Variants in TNNI3K observed in about 807,000 individuals in gnomAD.
The protein encoded by TNNI3K is TNNI3 interacting kinase, also known as serine/threonine-protein kinase TNNI3K.
In TNNI3K, 140 loss-of-function variants were observed where a neutral mutation model predicts 114.5. That is an observed-to-expected ratio of 1.22 (90% CI 1.07 to 1.41). The LOEUF is 1.41. TNNI3K is among the 40% of genes most tolerant of loss of function. The pLI is 0.00. For missense variants in TNNI3K, 1,125 were observed against 1,007.6 expected (o/e 1.12, Z -1.58); for synonymous variants, 347 against 347.5 (o/e 1.00, Z 0.02).
rs1420782797 is a variant in TNNI3K, at chr1:74,502,540, A to G, written c.2351+10274A>G. On this transcript the variant is annotated intron_variant, in intron 23 of 24. Coordinates refer to ENST00000326637, the MANE Select transcript of TNNI3K (RefSeq NM_015978.3). ...TCTCTGGAGACTTAACTTTGCCAAC[A>G]TGTTTGCCAACACCAGAACGTTATG... is the stretch of plus-strand genomic sequence containing the variant. Among the ~76,000 whole-genome samples the G allele has an allele frequency of 5.3e-5, 8 of 152,226 alleles. No homozygotes were observed. The South Asian group carries it at 6.2e-4, about 12-fold the overall frequency.
rs144253467 is a variant in TNNI3K at position 74,384,287 on chromosome 1, A to G, written c.1772+13895A>G. On this transcript the variant is annotated intron_variant, in intron 17 of 24. Transcript: ENST00000326637. ...TGGCTATTTTGTGCTGTAGATAATT[A>G]TTTGCATGCTAGTCACTAAAGCCTG... Among the ~76,000 whole-genome samples, 3 of 152,250 alleles carry G rather than the reference A, an allele frequency of 2.0e-5. No homozygotes were observed. In the East Asian group the frequency reaches 5.8e-4, roughly 29 times the overall value.
intron 4 of TNNI3K, among the ~76,000 whole-genome samples, chr1:74,257,718 G>T (rs1245989236): frequency 7.4e-6 from 1 of 135,076 alleles, no homozygotes; most frequent in African/African-American, 2.8e-5. Flanking sequence ...ACCCAGGCTG[G>T]AGTGCAGTGG....
chr1:74,404,431 T>C (rs1378077120), intron 17 of TNNI3K, among the ~76,000 whole-genome samples: 2 of 152,176 alleles, frequency 1.3e-5, no homozygotes, highest in Non-Finnish European at 2.9e-5. Context: ...ACTTGATATC[T>C]TAAATATTTG....
chr1:74,239,931 C>G (rs1340706785), intron 2 of TNNI3K: 4 of 469,940 alleles, frequency 8.5e-6, no homozygotes, highest in Middle Eastern at 6.5e-4. Context: ...GTTGCATTCA[C>G]TCATAACTTT....
intron 5 of TNNI3K, among the ~76,000 whole-genome samples, chr1:74,314,269 A>G (rs1181342937): frequency 1.3e-5 from 2 of 151,634 alleles, no homozygotes; most frequent in Admixed American, 1.3e-4. Flanking sequence ...TTTCAGAAGA[A>G]CTAGAAAAGA....
Position 74,475,747 on chromosome 1 carries a change from G to T in TNNI3K, c.2121+12197G>T, listed in dbSNP as rs376869245. On this transcript the variant is annotated intron_variant, in intron 21 of 24. Coordinates refer to ENST00000326637, the MANE Select transcript of TNNI3K (RefSeq NM_015978.3). ...AAGGTTTTCTGATGTGTGTTCATTT[G>T]CTTTGCCTTGGTGGAGTTTCCAGTT... The T allele has an allele frequency of 1.2e-5, 8 of 659,358 alleles. No individual in the cohort carries two copies. The African/African-American group carries it at 1.5e-4, about 12-fold the overall frequency. 40.8% of individuals were successfully genotyped at this position (659,358 alleles called of 1,614,324 possible).
intron 9 of TNNI3K, among the ~76,000 whole-genome samples, chr1:74,349,054 AG>A (rs1004882030): frequency 6.6e-6 from 1 of 152,102 alleles, no homozygotes; most frequent in African/African-American, 2.4e-5. Context: ...GTGGTGAGAG[AG>A]GGCATCCCTG....
chr1:74,531,346 A>G (rs1298093277), intron 23 of TNNI3K, among the ~76,000 whole-genome samples: 2 of 152,238 alleles, frequency 1.3e-5, no homozygotes, highest in Non-Finnish European at 2.9e-5. Context: ...ATTGAACTTA[A>G]CTGATAAATT....
At chr1:74,437,382 A>G (rs1666183835) in intron 19 of TNNI3K, among the ~76,000 whole-genome samples, 1 of 152,098 alleles carries the variant, frequency 6.6e-6, no homozygotes, top group Middle Eastern at 3.2e-3. Context: ...CTGGAAGGGG[A>G]TAAATACTGG....
intron 23 of TNNI3K, among the ~76,000 whole-genome samples, chr1:74,536,561 A>T (rs1399099589): frequency 6.6e-6 from 1 of 152,288 alleles, no homozygotes. Flanking sequence ...GCTAATTTGA[A>T]TTAGCACTAA....
chr1:74,521,238 A>T lies in TNNI3K; in HGVS notation c.2352-18996A>T, dbSNP rs538722318. Reference sequence around the variant, plus strand: ...GCTGGGTTCACATTGTGGCACTGCCATTTTCTCTGTGCGATCTTGCCCAAG... The same window carrying T: ...GCTGGGTTCACATTGTGGCACTGCCTTTTTCTCTGTGCGATCTTGCCCAAG... On this transcript the variant is annotated intron_variant, in intron 23 of 24. Coordinates refer to ENST00000326637, the MANE Select transcript of TNNI3K (RefSeq NM_015978.3). Among the ~76,000 whole-genome samples the T allele has an allele frequency of 3.3e-5, 5 of 152,198 alleles. No individual in the cohort carries two copies. The South Asian group carries it at 1.0e-3, about 32-fold the overall frequency.
rs199935376 is a variant in TNNI3K, at chr1:74,271,600, T to C, written c.336T>C (p.Asp112=). The part of the protein sequence containing the change: ...FTALHLAVYK[D]NAELITSLLH... ...ACTAAAGATATGTTTCCTTACAGGA[T>C]AATGCAGAATTGATCACTTCTCTGC... is the stretch of plus-strand genomic sequence containing the variant. Residue 112 remains aspartate (D), a splice_region_variant and synonymous_variant, in exon 5 of 25, where the codon GAT becomes GAC. Transcript: ENST00000326637. 9 of 1,596,390 alleles carry C rather than the reference T, an allele frequency of 5.6e-6. No homozygotes were observed. The South Asian group carries it at 9.1e-5, about 16-fold the overall frequency.
chr1:74,401,217 A>G (rs1292844904), intron 17 of TNNI3K, among the ~76,000 whole-genome samples: 2 of 152,218 alleles, frequency 1.3e-5, no homozygotes, highest in South Asian at 2.1e-4. Context: ...GTGCATGCAT[A>G]TGACACATCA....
At chr1:74,540,334 G>A (rs150542303) in intron 24 of TNNI3K, 21 bp downstream of exon 24, 1 of 1,607,590 alleles carries the variant, frequency 6.2e-7, no homozygotes, top group South Asian at 1.1e-5. Flanking sequence ...AGATTCTTTA[G>A]GTTTGTTAAG....
intron 21 of TNNI3K, among the ~76,000 whole-genome samples, chr1:74,483,047 C>T (rs1180801625): frequency 6.6e-6 from 1 of 152,206 alleles, no homozygotes; most frequent in African/African-American, 2.4e-5. Flanking sequence ...CAAAATAACT[C>T]AGTTACCTCT....
intron 9 of TNNI3K, among the ~76,000 whole-genome samples, chr1:74,347,819 A>G (rs1459820288): frequency 1.3e-5 from 2 of 152,122 alleles, no homozygotes; most frequent in Non-Finnish European, 2.9e-5. Context: ...GTGTCTGTTC[A>G]TATCCTTCAC....
chr1:74,239,763 C>T (rs1654070902), intron 2 of TNNI3K, among the ~76,000 whole-genome samples: 1 of 152,074 alleles, frequency 6.6e-6, no homozygotes, highest in Admixed American at 6.6e-5. Context: ...ATAGCTTTTA[C>T]CCACAACATA....
chr1:74,331,626 G>T, intron 6 of TNNI3K, 78 bp downstream of exon 6: 2 of 1,228,966 alleles, frequency 1.6e-6, no homozygotes, highest in South Asian at 1.7e-5. Context: ...TAGCTTCAAA[G>T]AGTTTATATT....
chr1:74,406,077 T>C (rs532108529), intron 17 of TNNI3K, among the ~76,000 whole-genome samples: 2 of 152,224 alleles, frequency 1.3e-5, no homozygotes, highest in African/African-American at 4.8e-5. Flanking sequence ...TGATCTCCTA[T>C]TGGGAGGCTC....
Sources: allele counts gnomAD v4.1 joint callset (sites outside exome capture counted in the v4.1 genomes callset), GRCh38; gene constraint gnomAD v4.1.1; transcripts MANE v1.5; gene names NCBI Gene and HGNC (gene_info 2026-07-23, HGNC 2026-07-21).